Variants in DSCAML1 observed in about 807,000 individuals in gnomAD.
DSCAML1 encodes DS cell adhesion molecule like 1, also known as cell adhesion molecule DSCAML1.
In DSCAML1, 38 loss-of-function variants were observed where a neutral mutation model predicts 200.5. That is an observed-to-expected ratio of 0.19 (90% CI 0.15 to 0.25). The LOEUF (loss-of-function observed/expected upper bound fraction) is 0.25, where lower values mean the gene tolerates loss of function less well. DSCAML1 is among the 10% of genes least tolerant of loss of function. The pLI, the probability that DSCAML1 is intolerant of heterozygous loss-of-function variation, is 1.00. For synonymous variants in DSCAML1, 1,215 were observed against 1,165.0 expected (o/e 1.04, Z -0.87); for missense variants, 2,223 against 2,858.8 (o/e 0.78, Z 5.07).
intron 8 of DSCAML1, among the ~76,000 whole-genome samples, chr11:117,507,322 C>T (rs1474300492): frequency 6.6e-6 from 1 of 152,194 alleles, no homozygotes; most frequent in Admixed American, 6.5e-5. Context: ...TACTCTCTAC[C>T]CTGGGCCCAT....
chr11:117,784,639 G>A (rs910953199), intron 1 of DSCAML1, among the ~76,000 whole-genome samples: 5 of 152,130 alleles, frequency 3.3e-5, no homozygotes, highest in South Asian at 2.1e-4. Flanking sequence ...TCTTCAGAGC[G>A]GTGACAAAGC....
At chr11:117,455,970 G>A (rs1001092632) in intron 19 of DSCAML1, among the ~76,000 whole-genome samples, 2 of 152,188 alleles carry the variant, frequency 1.3e-5, no homozygotes, top group Admixed American at 6.5e-5. Flanking sequence ...TGTCTCTACT[G>A]CCTACAGTAG....
At chr11:117,637,004 G>A (rs1283000826) in intron 3 of DSCAML1, among the ~76,000 whole-genome samples, 1 of 152,102 alleles carries the variant, frequency 6.6e-6, no homozygotes, top group Non-Finnish European at 1.5e-5. Context: ...TCCATTAGCC[G>A]TGTCACAGCT....
intron 3 of DSCAML1, among the ~76,000 whole-genome samples, chr11:117,746,817 A>G (rs890122086): frequency 6.6e-6 from 1 of 152,014 alleles, no homozygotes; most frequent in African/African-American, 2.4e-5. Context: ...TCTTCGCCTG[A>G]GAAACTCCTG....
intron 3 of DSCAML1, among the ~76,000 whole-genome samples, chr11:117,654,972 C>G (rs1020240071): frequency 1.3e-5 from 2 of 152,242 alleles, no homozygotes. Context: ...ACAGAAAACC[C>G]TCTGCCCACG....
chr11:117,665,671 G>A (rs763916566), intron 3 of DSCAML1, among the ~76,000 whole-genome samples: 2 of 151,986 alleles, frequency 1.3e-5, no homozygotes. Flanking sequence ...ATAGTAACTC[G>A]CCCACCATCA....
At chr11:117,499,153 G>A (rs893791070) in intron 11 of DSCAML1, among the ~76,000 whole-genome samples, 1 of 152,104 alleles carries the variant, frequency 6.6e-6, no homozygotes, top group Non-Finnish European at 1.5e-5. Context: ...TTCCCCATGT[G>A]TCAGTTGAAG....
intron 32 of DSCAML1, among the ~76,000 whole-genome samples, chr11:117,430,066 T>C (rs1169470645): frequency 1.3e-5 from 2 of 152,218 alleles, no homozygotes; most frequent in African/African-American, 4.8e-5. Context: ...ACTGCATTGT[T>C]TGATAGTCTG....
chr11:117,779,266 C>T (rs764837256), intron 2 of DSCAML1, among the ~76,000 whole-genome samples: 4 of 152,086 alleles, frequency 2.6e-5, no homozygotes, highest in Non-Finnish European at 5.9e-5. Context: ...TATAATGATC[C>T]GAGACCCACC....
intron 3 of DSCAML1, among the ~76,000 whole-genome samples, chr11:117,733,885 G>A (rs2054271215): frequency 6.6e-6 from 1 of 151,676 alleles, no homozygotes; most frequent in Non-Finnish European, 1.5e-5. Context: ...GTCTTCTGGG[G>A]TACCGTCTGG....
intron 14 of DSCAML1, among the ~76,000 whole-genome samples, chr11:117,478,307 C>T (rs933870245): frequency 2.0e-5 from 3 of 152,148 alleles, no homozygotes; most frequent in African/African-American, 4.8e-5. Flanking sequence ...CCCAGATGTG[C>T]GCCGGCAGGG....
At chr11:117,812,593 C>T (rs1220288429) in intron 1 of DSCAML1, among the ~76,000 whole-genome samples, 2 of 152,010 alleles carry the variant, frequency 1.3e-5, no homozygotes, top group South Asian at 2.1e-4. Context: ...GACCCTGACA[C>T]CCATCAGGCT....
At chr11:117,638,499 C>T (rs2052337123) in intron 3 of DSCAML1, among the ~76,000 whole-genome samples, 1 of 152,148 alleles carries the variant, frequency 6.6e-6, no homozygotes, top group African/African-American at 2.4e-5. Context: ...CAGTTTTCAT[C>T]ATCCCCAAAA....
At chr11:117,542,356 A>AACAACAAC (rs1565777354) in intron 3 of DSCAML1, among the ~76,000 whole-genome samples, 2 of 148,738 alleles carry the variant, frequency 1.3e-5, no homozygotes, top group Admixed American at 6.8e-5. Flanking sequence ...ACAACAACAA[A>AACAACAAC]AAAAAAACAG....
intron 3 of DSCAML1, among the ~76,000 whole-genome samples, chr11:117,650,467 GA>G (rs542272897): frequency 1.1e-3 from 173 of 152,302 alleles, no homozygotes; most frequent in African/African-American, 4.1e-3. Flanking sequence ...GGTTCTCTGA[GA>G]AACTGTCCTC....
intron 3 of DSCAML1, among the ~76,000 whole-genome samples, chr11:117,636,886 ATTG>A (rs963452924): frequency 6.6e-6 from 1 of 152,154 alleles, no homozygotes; most frequent in Non-Finnish European, 1.5e-5. Context: ...GGGAGCTATT[ATTG>A]TTATTATTAA....
At chr11:117,737,520 G>A (rs539667492) in intron 3 of DSCAML1, among the ~76,000 whole-genome samples, 12 of 152,318 alleles carry the variant, frequency 7.9e-5, no homozygotes, top group South Asian at 4.1e-4. Context: ...GCAGGACAGC[G>A]GGGCAGGCTG....
At chr11:117,535,002 C>T (rs962347932) in intron 3 of DSCAML1, among the ~76,000 whole-genome samples, 9 of 152,308 alleles carry the variant, frequency 5.9e-5, no homozygotes, top group African/African-American at 1.9e-4. Context: ...TTGCCCCTCC[C>T]TCCCTCCTTT....
chr11:117,763,295 G>T (rs2054839078), intron 3 of DSCAML1, among the ~76,000 whole-genome samples: 1 of 152,032 alleles, frequency 6.6e-6, no homozygotes, highest in Non-Finnish European at 1.5e-5. Context: ...AGGATCCTTG[G>T]CAGTGAAACC....
Sources: allele counts gnomAD v4.1 joint callset (sites outside exome capture counted in the v4.1 genomes callset), GRCh38; gene constraint gnomAD v4.1.1; transcripts MANE v1.5; gene names NCBI Gene and HGNC (gene_info 2026-07-23, HGNC 2026-07-21).